Variants in MREG observed in about 807,000 individuals in gnomAD.
MREG encodes the protein melanoregulin.
A neutral mutation model predicts 28.5 loss-of-function variants in MREG; 31 were observed. The ratio of observed to expected loss-of-function variants is 1.09; its 90% CI spans 0.82 to 1.47. The LOEUF (loss-of-function observed/expected upper bound fraction) is 1.47. MREG is among the 40% of genes most tolerant of loss of function. MREG has a pLI of 0.00. For synonymous variants in MREG, 106 were observed against 95.2 expected (o/e 1.11, Z -0.66); for missense variants, 256 against 257.4 (o/e 0.99, Z 0.04).
chr2:215,966,151 AGAGG>A lies in MREG; in HGVS notation c.256-19042_256-19039del, dbSNP rs76598305. ...ATCAGAGGGACAGGTCTAGGGAGGGAGAGGGGGTCCCAGGGAGACATCCTCAATG... is the reference window on the plus strand; with the variant it reads ...ATCAGAGGGACAGGTCTAGGGAGGGAGGGTCCCAGGGAGACATCCTCAATG... On this transcript the variant is annotated intron_variant, in intron 2 of 4. Transcript: ENST00000263268. Among the ~76,000 whole-genome samples the A allele has an allele frequency of 1.8e-3, 276 of 152,260 alleles. 9 individuals are homozygous for A. In the East Asian group the frequency reaches 0.05, roughly 28 times the overall value.
chr2:215,958,459 A>T (rs887992423), intron 2 of MREG, among the ~76,000 whole-genome samples: 6 of 152,142 alleles, frequency 3.9e-5, no homozygotes, highest in African/African-American at 1.4e-4. Flanking sequence ...GCCAAACCCA[A>T]GAGAAAAAGG....
In MREG at chr2:215,971,750, T is replaced by C. The variant is rs79043869; in HGVS notation, c.255+24556A>G. 8.5e-3 allele frequency among the ~76,000 whole-genome samples: 1,287 copies of C among 152,278 alleles called. 23 individuals are homozygous for C. Among genetic ancestry groups the C allele is most frequent in the African/African-American group, 0.03 (1,233 of 41,542 alleles). On this transcript the variant is annotated intron_variant, in intron 2 of 4. Coordinates refer to ENST00000263268, the MANE Select transcript of MREG (RefSeq NM_018000.3). ...TGTGTTACAGGGCCCTGCTCTCAAC[T>C]TACTGTAGCTGGGAGAAGAGTCCAA...
At chr2:216,026,197 G>A (rs1193432732) in intron 1 of MREG, among the ~76,000 whole-genome samples, 1 of 152,108 alleles carries the variant, frequency 6.6e-6, no homozygotes, top group African/African-American at 2.4e-5. Flanking sequence ...ACAGGGGTGG[G>A]GGACAGAATA....
chr2:215,947,185 TG>T lies in MREG; in HGVS notation c.256-73del, dbSNP rs909981662. The T allele has an allele frequency of 4.3e-6, 4 of 926,958 alleles. No homozygotes were observed. The Admixed American group carries it at 8.9e-5, about 21-fold the overall frequency. 57.4% of individuals were successfully genotyped at this position (926,958 alleles called of 1,614,324 possible). A position where few individuals can be genotyped will look rare whatever the true frequency, so the allele number is the denominator to read the frequency against. ...ACCTCTATCTCATTCCCAAACTTCATGTTGCCTAAACACCTGGCTCTTCTCT... is the reference window on the plus strand; with the variant it reads ...ACCTCTATCTCATTCCCAAACTTCATTTGCCTAAACACCTGGCTCTTCTCT... On this transcript the variant is annotated intron_variant, in intron 2 of 4. Transcript: ENST00000263268.
At chr2:215,990,640 T>G (rs191576627) in intron 2 of MREG, among the ~76,000 whole-genome samples, 97 of 152,262 alleles carry the variant, frequency 6.4e-4, no homozygotes, top group African/African-American at 2.2e-3. Flanking sequence ...TGTGCTATAT[T>G]CAAGAGACCC....
chr2:215,978,877 C>T (rs1693332258), intron 2 of MREG, among the ~76,000 whole-genome samples: 1 of 152,170 alleles, frequency 6.6e-6, no homozygotes, highest in Non-Finnish European at 1.5e-5. Context: ...ATTGATGGAA[C>T]ATATCTCAAA....
At chr2:215,973,821 G>A (rs1368051852) in intron 2 of MREG, among the ~76,000 whole-genome samples, 3 of 152,190 alleles carry the variant, frequency 2.0e-5, no homozygotes, top group Non-Finnish European at 4.4e-5. Flanking sequence ...ACCTGGGCCT[G>A]GTTAACCATC....
At chr2:216,029,945 G>A (rs758478630) in intron 1 of MREG, among the ~76,000 whole-genome samples, 4 of 152,196 alleles carry the variant, frequency 2.6e-5, no homozygotes, top group Admixed American at 1.3e-4. Context: ...CCTGTGGTCG[G>A]TGCACATGCT....
chr2:215,980,119 G>C (rs1231510570), intron 2 of MREG, among the ~76,000 whole-genome samples: 1 of 152,150 alleles, frequency 6.6e-6, no homozygotes, highest in Non-Finnish European at 1.5e-5. Context: ...CAGAGGTGCA[G>C]CAATGCGTTG....
chr2:216,005,847 A>AG (rs1358963269), intron 1 of MREG, among the ~76,000 whole-genome samples: 1 of 151,440 alleles, frequency 6.6e-6, no homozygotes, highest in Non-Finnish European at 1.5e-5. Context: ...TTTTGTAAAA[A>AG]AAAAAAAAAA....
At position 215,964,810 on chromosome 2, in the gene MREG, A is replaced by T. The variant is rs373250552; in HGVS notation, c.256-17697T>A. Among the ~76,000 whole-genome samples the T allele has an allele frequency of 3.7e-4, 57 of 152,320 alleles. 2 individuals carry two copies. Among genetic ancestry groups the T allele is most frequent in the Admixed American group, 1.7e-3 (26 of 15,300 alleles). ...AATGGGCAAAATCTTTAACCCAAGA[A>T]TTCCAGTTCTAAGAATCTAGACAGA... is the stretch of plus-strand genomic sequence containing the variant. On this transcript the variant is annotated intron_variant, in intron 2 of 4. Transcript: ENST00000263268.
intron 1 of MREG, among the ~76,000 whole-genome samples, chr2:216,019,551 C>T (rs2105929577): frequency 6.6e-6 from 1 of 151,088 alleles, no homozygotes; most frequent in East Asian, 2.0e-4. Context: ...GTCGCCCAGG[C>T]TGGAGTGCAG....
At chr2:216,017,455 G>T (rs1694464962), upstream of MREG, among the ~76,000 whole-genome samples, 1 of 152,178 alleles carries the variant, frequency 6.6e-6, no homozygotes, top group African/African-American at 2.4e-5. Flanking sequence ...TGGTAGCTGA[G>T]ATCACATTTT....
intron 1 of MREG, among the ~76,000 whole-genome samples, chr2:216,006,507 G>T (rs772897466): frequency 1.3e-5 from 2 of 152,192 alleles, no homozygotes; most frequent in African/African-American, 2.4e-5. Context: ...TCATTGTCCG[G>T]CCCCGGAGCT....
At chr2:215,966,088 G>T (rs1487322455) in intron 2 of MREG, among the ~76,000 whole-genome samples, 1 of 152,010 alleles carries the variant, frequency 6.6e-6, no homozygotes, top group African/African-American at 2.4e-5. Flanking sequence ...TAAAAGCTTT[G>T]CACTGTACAC....
intron 2 of MREG, among the ~76,000 whole-genome samples, chr2:215,987,133 TG>T (rs1319705051): frequency 1.3e-5 from 2 of 151,992 alleles, no homozygotes; most frequent in African/African-American, 4.8e-5. Flanking sequence ...CATATTAAAA[TG>T]GAAATATGTC....
chr2:216,030,956 T>A (rs12467651), intron 1 of MREG, among the ~76,000 whole-genome samples: 57,297 of 112,284 alleles, frequency 0.51, 12,894 homozygotes, highest in Non-Finnish European at 0.55. Context: ...TCTCTCTCTC[T>A]CACACACACA....
At chr2:216,015,250 G>A (rs1197649458), upstream of MREG, among the ~76,000 whole-genome samples, 1 of 152,088 alleles carries the variant, frequency 6.6e-6, no homozygotes, top group Non-Finnish European at 1.5e-5. Flanking sequence ...TAAATGAGGT[G>A]GTCAGGGAAG....
At chr2:215,946,294 G>A (rs1479908071) in intron 3 of MREG, among the ~76,000 whole-genome samples, 1 of 150,976 alleles carries the variant, frequency 6.6e-6, no homozygotes, top group African/African-American at 2.4e-5. Flanking sequence ...AGAGGGCAGA[G>A]ATCCCATCCC....
Sources: allele counts gnomAD v4.1 joint callset (sites outside exome capture counted in the v4.1 genomes callset), GRCh38; gene constraint gnomAD v4.1.1; transcripts MANE v1.5; gene names NCBI Gene and HGNC (gene_info 2026-07-23, HGNC 2026-07-21).